Variants in UNC13C observed in about 807,000 individuals in gnomAD.
The protein encoded by UNC13C is protein unc-13 homolog C.
UNC13C carries 174 observed loss-of-function variants against 245.4 expected under a neutral mutation model. That is an observed-to-expected ratio of 0.71 (90% CI 0.63 to 0.80). The LOEUF (loss-of-function observed/expected upper bound fraction) is 0.80. Among genes scored for constraint, UNC13C ranks in the 30% least tolerant of loss-of-function variants. The pLI is 0.00. For missense variants in UNC13C, 2,829 were observed against 2,602.9 expected (o/e 1.09, Z -1.89); for synonymous variants, 992 against 895.1 (o/e 1.11, Z -1.93).
chr15:53,980,334 G>A (rs1486734520), intron 1 of UNC13C, among the ~76,000 whole-genome samples: 1 of 152,196 alleles, frequency 6.6e-6, no homozygotes, highest in Non-Finnish European at 1.5e-5. Context: ...TACCAGAGGA[G>A]TGATTTAGAA....
the UNC13C span, among the ~76,000 whole-genome samples, chr15:53,960,948 T>A: frequency 1.3e-5 from 2 of 152,206 alleles, no homozygotes; most frequent in South Asian, 2.1e-4. Flanking sequence ...TATAAACTTC[T>A]TTTTAAAAAG....
chr15:53,899,634 G>A, the UNC13C span, among the ~76,000 whole-genome samples: 2 of 151,978 alleles, frequency 1.3e-5, no homozygotes, highest in Non-Finnish European at 2.9e-5. Context: ...CCAGGATCTC[G>A]GCTCACCGCA....
At chr15:53,890,708 A>G in the UNC13C span, among the ~76,000 whole-genome samples, 1 of 151,820 alleles carries the variant, frequency 6.6e-6, no homozygotes, top group African/African-American at 2.4e-5. Context: ...ATCAGTGGTG[A>G]TATCCCTTTT....
intron 2 of UNC13C, among the ~76,000 whole-genome samples, chr15:54,059,749 G>C (rs184581229): frequency 6.6e-6 from 1 of 152,130 alleles, no homozygotes; most frequent in South Asian, 2.1e-4. Flanking sequence ...AAACAGCATG[G>C]TACTGGTACC....
chr15:54,539,868 T>C (rs1353191984), intron 26 of UNC13C, among the ~76,000 whole-genome samples: 2 of 152,108 alleles, frequency 1.3e-5, no homozygotes, highest in Non-Finnish European at 2.9e-5. Flanking sequence ...GATTCTTATT[T>C]TTACTCAGTC....
At position 54,083,425 on chromosome 15, in the gene UNC13C, A is replaced by AGAGG. The variant is rs1174335411; in HGVS notation, c.2984-59589_2984-59586dup. 3.9e-5 allele frequency among the ~76,000 whole-genome samples: 6 copies of AGAGG among 152,134 alleles called. No individual in the cohort carries two copies. In the East Asian group the frequency reaches 1.2e-3, roughly 30 times the overall value. Reference sequence around the variant, plus strand: ...CAGGGTGCTGCTGCTCTGTGTAGGGAGAGGGAGTTGGGCCCCAACCTTCAT... The same window carrying AGAGG: ...CAGGGTGCTGCTGCTCTGTGTAGGGAGAGGGAGGGAGTTGGGCCCCAACCTTCAT... On this transcript the variant is annotated intron_variant, in intron 2 of 32. Coordinates refer to ENST00000260323, the MANE Select transcript of UNC13C (RefSeq NM_001080534.3).
intron 19 of UNC13C, among the ~76,000 whole-genome samples, chr15:54,493,027 G>A (rs1395065035): frequency 2.0e-5 from 3 of 152,150 alleles, no homozygotes; most frequent in Non-Finnish European, 4.4e-5. Context: ...GAGCCCAAGA[G>A]CTATTTAATG....
chr15:54,331,741 A>G (rs1236260751), intron 14 of UNC13C, among the ~76,000 whole-genome samples: 2 of 152,216 alleles, frequency 1.3e-5, no homozygotes, highest in East Asian at 1.9e-4. Context: ...TGTACTGGCA[A>G]TTTATTTGTC....
At chr15:54,590,381 A>G (rs1388772204) in intron 30 of UNC13C, among the ~76,000 whole-genome samples, 1 of 152,188 alleles carries the variant, frequency 6.6e-6, no homozygotes, top group Non-Finnish European at 1.5e-5. Context: ...TTTTGGCAGT[A>G]TGCTCATTTT....
At chr15:54,190,515 T>C (rs2034147987) in intron 4 of UNC13C, among the ~76,000 whole-genome samples, 1 of 152,080 alleles carries the variant, frequency 6.6e-6, no homozygotes, top group African/African-American at 2.4e-5. Context: ...TGATAGATTA[T>C]GCGCCATTCT....
intron 19 of UNC13C, among the ~76,000 whole-genome samples, chr15:54,485,972 AT>A (rs970322312): frequency 3.3e-5 from 5 of 151,816 alleles, no homozygotes; most frequent in African/African-American, 1.2e-4. Context: ...TACATTATAT[AT>A]TTTTTTTCCA....
intron 19 of UNC13C, among the ~76,000 whole-genome samples, chr15:54,461,065 T>C (rs1474846059): frequency 6.6e-6 from 1 of 152,146 alleles, no homozygotes; most frequent in African/African-American, 2.4e-5. Flanking sequence ...ATCAGTATGT[T>C]TGAATTTCTT....
At chr15:54,090,367 A>C (rs974182497) in intron 2 of UNC13C, among the ~76,000 whole-genome samples, 3 of 152,156 alleles carry the variant, frequency 2.0e-5, no homozygotes, top group Admixed American at 2.0e-4. Context: ...TCTACTACTA[A>C]ATGTCTAATT....
chr15:53,869,924 C>T, the UNC13C span, among the ~76,000 whole-genome samples: 1 of 152,204 alleles, frequency 6.6e-6, no homozygotes, highest in Non-Finnish European at 1.5e-5. Flanking sequence ...CCTCTGCATT[C>T]CTTTGTACCT....
chr15:53,988,505 A>C (rs2725593), intron 1 of UNC13C, among the ~76,000 whole-genome samples: 73,199 of 151,624 alleles, frequency 0.48, 20,066 homozygotes, highest in South Asian at 0.65. Context: ...AAGATGAATC[A>C]AAAAGGATCT....
chr15:54,412,515 G>T (rs559048986), intron 18 of UNC13C, among the ~76,000 whole-genome samples: 1 of 152,258 alleles, frequency 6.6e-6, no homozygotes, highest in Admixed American at 6.5e-5. Context: ...GTTTGAGATG[G>T]GATTTGGGTG....
At chr15:54,267,957 T>A (rs928866916) in intron 10 of UNC13C, among the ~76,000 whole-genome samples, 8 of 151,900 alleles carry the variant, frequency 5.3e-5, no homozygotes, top group Admixed American at 2.6e-4. Flanking sequence ...TCTTTTTTTT[T>A]AAATTTTACT....
intron 30 of UNC13C, among the ~76,000 whole-genome samples, chr15:54,612,291 C>CT (rs1555402216): frequency 1.6e-3 from 21 of 13,074 alleles, no homozygotes; most frequent in Admixed American, 9.3e-3. Flanking sequence ...TGCTAGATAC[C>CT]TTAAAGGTGT....
intron 10 of UNC13C, among the ~76,000 whole-genome samples, chr15:54,282,640 G>A (rs543871293): frequency 6.6e-6 from 1 of 152,288 alleles, no homozygotes; most frequent in Non-Finnish European, 1.5e-5. Flanking sequence ...ATCATGTGGG[G>A]TGGGTGCCCT....
Sources: gnomAD v4.1 joint callset for allele counts (sites outside exome capture counted in the v4.1 genomes callset) on GRCh38, gnomAD v4.1.1 for gene constraint, MANE v1.5 for transcripts, NCBI Gene and HGNC (gene_info 2026-07-23, HGNC 2026-07-21) for gene names.